ARID5B: variants seen among roughly 807,000 people sequenced by gnomAD.
ARID5B encodes AT-rich interaction domain 5B.
Under a neutral mutation model 97.2 loss-of-function variants are expected in ARID5B, and 13 were observed. The observed-to-expected ratio is 0.13, with a 90% confidence interval of 0.09 to 0.21. The LOEUF (loss-of-function observed/expected upper bound fraction) is 0.21, where lower values mean the gene tolerates loss of function less well. Ranked by LOEUF, ARID5B falls within the 10% of genes least tolerant of loss-of-function variation. The pLI is 1.00. For missense variants in ARID5B, 1,210 were observed against 1,465.3 expected (o/e 0.83, Z 2.84); for synonymous variants, 556 against 570.3 (o/e 0.97, Z 0.36).
intron 8 of ARID5B, 146 bp from the exon 9 acceptor site, chr10:62,085,556 A>T: frequency 1.4e-6 from 1 of 717,198 alleles, no homozygotes; most frequent in East Asian, 2.5e-5. Flanking sequence ...TAAAGTGTAG[A>T]GTAAGTTTAT....
intron 8 of ARID5B, among the ~76,000 whole-genome samples, chr10:62,080,405 AT>A (rs1840196923): frequency 6.6e-6 from 1 of 152,110 alleles, no homozygotes; most frequent in Non-Finnish European, 1.5e-5. Context: ...TACATAGCAC[AT>A]TTGTGTATTT....
chr10:62,094,649 T>C lies in ARID5B; in HGVS notation c.*1619T>C, dbSNP rs530671677. 7 of 231,022 alleles carry C rather than the reference T, an allele frequency of 3.0e-5. No individual in the cohort carries two copies. The highest frequency in any genetic ancestry group is 1.1e-4 in the Admixed American group (2 of 17,704). 14.3% of individuals were successfully genotyped at this position (231,022 alleles called of 1,614,324 possible). A position where few individuals can be genotyped will look rare whatever the true frequency, so the allele number is the denominator to read the frequency against. ...CTGTATTCCATTTGCTACCGAGATA[T>C]AACATTAAGGTGGACACATTTTCTA... is the stretch of plus-strand genomic sequence containing the variant. On this transcript the variant is annotated 3_prime_UTR_variant, in exon 10 of 10. Transcript: ENST00000279873.
intron 8 of ARID5B, among the ~76,000 whole-genome samples, chr10:62,080,585 T>C (rs572581543): frequency 1.3e-5 from 2 of 152,334 alleles, no homozygotes; most frequent in African/African-American, 4.8e-5. Context: ...ATACCTTCTA[T>C]TGGCTCCATA....
In ARID5B at chr10:62,048,772, G is replaced by T. The variant is rs139037257; in HGVS notation, c.734-2116G>T. Reference sequence around the variant, plus strand: ...CAAGTTCTGTCGAAAAGGCCTTTGGGATTTGAAAGCTTTTCTAGAAATAAA... The same window carrying T: ...CAAGTTCTGTCGAAAAGGCCTTTGGTATTTGAAAGCTTTTCTAGAAATAAA... On this transcript the variant is annotated intron_variant, in intron 4 of 9. Coordinates refer to ENST00000279873, the MANE Select transcript of ARID5B (RefSeq NM_032199.3). Among the ~76,000 whole-genome samples, 886 of 152,326 alleles carry T rather than the reference G, an allele frequency of 5.8e-3. 5 individuals are homozygous for T. The highest frequency in any genetic ancestry group is 0.02 in the African/African-American group (839 of 41,572).
intron 4 of ARID5B, among the ~76,000 whole-genome samples, chr10:62,006,657 A>T (rs532265474): frequency 1.3e-5 from 2 of 152,322 alleles, no homozygotes; most frequent in Admixed American, 6.5e-5. Context: ...AGCTTCTAAG[A>T]GAGTAAGACA....
chr10:62,068,194 A>G (rs74579983), intron 7 of ARID5B, among the ~76,000 whole-genome samples: 1 of 152,214 alleles, frequency 6.6e-6, no homozygotes, highest in Non-Finnish European at 1.5e-5. Flanking sequence ...GAGTGTTTTG[A>G]AAGGGCGTTG....
At position 62,091,847 on chromosome 10, in the gene ARID5B, C is replaced by T; in HGVS notation, c.2384C>T (p.Pro795Leu). ...AGCTTCTCCAAGCATCACCTTAACC[C>T]CCTTGCTGACTCCTACGTCCTGAAG... is the stretch of plus-strand genomic sequence containing the variant. ...RCSFSKHHLNPLADSYVLKQE... is the reference protein window; with the variant it reads ...RCSFSKHHLNLLADSYVLKQE... Residue 795 changes from proline to leucine, a missense_variant, in exon 10 of 10, where the codon CCC becomes CTC. Around this residue, in one of 8 missense-constraint regions of ARID5B, gnomAD observed 800 missense variants for 839.1 expected, o/e 0.95. Coordinates refer to ENST00000279873, the MANE Select transcript of ARID5B (RefSeq NM_032199.3). The T allele has an allele frequency of 1.2e-6, 2 of 1,614,150 alleles. No homozygotes were observed.
chr10:62,051,133 A>T (rs1380590960), intron 5 of ARID5B, 133 bp downstream of exon 5: 2 of 799,636 alleles, frequency 2.5e-6, no homozygotes, highest in Middle Eastern at 4.4e-4. Flanking sequence ...AGAGCTTTTG[A>T]AGCTCTATGC....
intron 2 of ARID5B, among the ~76,000 whole-genome samples, chr10:61,920,478 G>T (rs192497272): frequency 1.3e-5 from 2 of 151,996 alleles, no homozygotes; most frequent in African/African-American, 4.8e-5. Flanking sequence ...GATTACAGGC[G>T]TGTGCCACCA....
intron 2 of ARID5B, among the ~76,000 whole-genome samples, chr10:61,934,294 T>C (rs924145184): frequency 1.3e-5 from 2 of 152,224 alleles, no homozygotes; most frequent in African/African-American, 4.8e-5. Context: ...TTTCTCCATA[T>C]CAGCAGTAAG....
chr10:62,082,497 T>C (rs1840226090), intron 8 of ARID5B, among the ~76,000 whole-genome samples: 1 of 152,222 alleles, frequency 6.6e-6, no homozygotes, highest in Admixed American at 6.5e-5. Flanking sequence ...GAGTGCATGT[T>C]TGCTTTTATC....
At chr10:62,004,896 C>A (rs574337810) in intron 4 of ARID5B, among the ~76,000 whole-genome samples, 1 of 152,266 alleles carries the variant, frequency 6.6e-6, no homozygotes, top group African/African-American at 2.4e-5. Context: ...ATATGTAAGG[C>A]AGCTCAATAT....
chr10:61,958,640 A>G (rs973218768), intron 3 of ARID5B, among the ~76,000 whole-genome samples: 1 of 152,216 alleles, frequency 6.6e-6, no homozygotes, highest in Non-Finnish European at 1.5e-5. Context: ...AGAAATAAAG[A>G]ATCTTGTGGT....
chr10:61,934,788 G>A (rs1337571507), intron 2 of ARID5B, among the ~76,000 whole-genome samples: 4 of 152,136 alleles, frequency 2.6e-5, no homozygotes, highest in Non-Finnish European at 5.9e-5. Context: ...TCTGAGGCGG[G>A]TGGATCATGA....
At chr10:62,008,084 ACACACACACACACACT>A (rs1425170476) in intron 4 of ARID5B, among the ~76,000 whole-genome samples, 16 of 131,072 alleles carry the variant, frequency 1.2e-4, no homozygotes, top group Admixed American at 1.1e-3. Context: ...ACACACACAC[ACACACACACACACACT>A]GCCACATAAG....
chr10:61,935,580 T>A (rs913312663), intron 2 of ARID5B, among the ~76,000 whole-genome samples: 1 of 151,730 alleles, frequency 6.6e-6, no homozygotes, highest in Non-Finnish European at 1.5e-5. Flanking sequence ...AGGGAGAGGG[T>A]GACTACTAAG....
chr10:61,982,627 G>A (rs1429446505), intron 3 of ARID5B, among the ~76,000 whole-genome samples: 6 of 152,164 alleles, frequency 3.9e-5, no homozygotes, highest in Admixed American at 3.9e-4. Context: ...GAGCGTCCTA[G>A]CCCAAGATAT....
chr10:62,053,032 C>A (rs1839811454), intron 5 of ARID5B, among the ~76,000 whole-genome samples: 1 of 152,176 alleles, frequency 6.6e-6, no homozygotes. Flanking sequence ...CACCAACAGG[C>A]AGATGTAAAA....
chr10:61,940,499 T>C (rs953003894), intron 3 of ARID5B, 91 bp downstream of exon 3: 7 of 1,075,064 alleles, frequency 6.5e-6, no homozygotes, highest in African/African-American at 4.8e-5. Context: ...ATCATTTATA[T>C]ATAAATGTAT....
Sources: allele counts gnomAD v4.1 joint callset (sites outside exome capture counted in the v4.1 genomes callset), GRCh38; gene constraint gnomAD v4.1.1; regional missense constraint gnomAD v4.1.1; transcripts MANE v1.5; gene names NCBI Gene and HGNC (gene_info 2026-07-23, HGNC 2026-07-21).